Variants in FRMPD3 observed in about 807,000 individuals in gnomAD.
The protein encoded by FRMPD3 is FERM and PDZ domain-containing protein 3.
A neutral mutation model predicts 97.9 loss-of-function variants in FRMPD3; 42 were observed. That is an observed-to-expected ratio of 0.43 (90% CI 0.34 to 0.55). FRMPD3 has a LOEUF of 0.55. Among genes scored for constraint, FRMPD3 ranks in the 20% least tolerant of loss-of-function variants. FRMPD3 has a pLI of 0.03. For missense variants in FRMPD3, 1,303 were observed against 1,457.7 expected (o/e 0.89, Z 1.73); for synonymous variants, 577 against 581.1 (o/e 0.99, Z 0.10).
intron 1 of FRMPD3, among the ~76,000 whole-genome samples, chrX:107,479,213 A>G (rs1921276870): frequency 8.9e-6 from 1 of 112,319 alleles, no homozygotes; most frequent in Admixed American, 9.4e-5. Context: ...GGAATTAAGG[A>G]AGGCCATTGC....
At chrX:107,457,805 C>T (rs1931404023) in intron 1 of FRMPD3, among the ~76,000 whole-genome samples, 1 of 111,818 alleles carries the variant, frequency 8.9e-6, no homozygotes, top group Non-Finnish European at 1.9e-5. Context: ...CCCATCATAC[C>T]CTCCTTCATA....
chrX:107,560,374 A>T lies in FRMPD3; in HGVS notation c.880A>T (p.Ile294Phe). The T allele has an allele frequency of 8.3e-7, 1 of 1,209,443 alleles. No individual in the cohort carries two copies. Among genetic ancestry groups the T allele is most frequent in the Admixed American group, 2.2e-5 (1 of 45,800 alleles). Residue 294 changes from isoleucine to phenylalanine, a missense_variant, in exon 9 of 15, where the codon ATC (isoleucine) becomes TTC (phenylalanine). Ile to Phe is a conservative substitution (Grantham distance 21). Around this residue, in one of 3 missense-constraint regions of FRMPD3, gnomAD observed 535 missense variants for 618.6 expected, o/e 0.86. Transcript: ENST00000683843. ...TVSATRPSQKISLKNVEKEWG... is the reference protein window; with the variant it reads ...TVSATRPSQKFSLKNVEKEWG... Reference sequence around the variant, plus strand: ...CTCAGCCACTCGACCTAGTCAGAAGATCTCGCTCAAGAATGTGGAGTGAGT... The same window carrying T: ...CTCAGCCACTCGACCTAGTCAGAAGTTCTCGCTCAAGAATGTGGAGTGAGT...
At chrX:107,465,700 G>A (rs778381621) in intron 1 of FRMPD3, among the ~76,000 whole-genome samples, 12 of 111,428 alleles carry the variant, frequency 1.1e-4, no homozygotes, top group African/African-American at 3.6e-4. Flanking sequence ...TGGCCTGGTG[G>A]TTGATCCAGT....
intron 12 of FRMPD3, among the ~76,000 whole-genome samples, chrX:107,566,844 G>C (rs996458664): frequency 4.5e-5 from 5 of 112,192 alleles, no homozygotes; most frequent in Non-Finnish European, 9.4e-5. Flanking sequence ...GGCTGAACAG[G>C]GGATCAGTGG....
rs776277144 is a variant in FRMPD3, at chrX:107,602,480, G to A, written c.4441G>A (p.Glu1481Lys). The A allele has an allele frequency of 4.1e-6, 5 of 1,210,329 alleles. No homozygotes were observed. In the African/African-American group the frequency reaches 5.2e-5, roughly 13 times the overall value. ...LPEEVYRKPA[E>K]LDEDSESSKC... is the part of the protein sequence containing the mutation. ...CGAGGAGGTGTACCGGAAGCCTGCC[G>A]AGCTAGACGAGGACAGTGAGAGCAG... Residue 1481 changes from glutamate to lysine, a missense_variant, in exon 15 of 15, where the codon GAG (glutamate) becomes AAG (lysine). Glu to Lys is a moderately conservative substitution (Grantham distance 56, BLOSUM62 1). This residue lies in a region of FRMPD3 where 764 missense variants were observed against 820.2 expected (regional missense o/e 0.93). Transcript: ENST00000683843.
At chrX:107,463,975 C>T (rs1931518066) in intron 1 of FRMPD3, among the ~76,000 whole-genome samples, 1 of 112,004 alleles carries the variant, frequency 8.9e-6, no homozygotes, top group Non-Finnish European at 1.9e-5. Context: ...CACCTCTAAT[C>T]TAATCTTGCC....
At chrX:107,524,882 A>G (rs1922629801) in intron 1 of FRMPD3, among the ~76,000 whole-genome samples, 1 of 105,641 alleles carries the variant, frequency 9.5e-6, no homozygotes, top group Middle Eastern at 5.1e-3. Context: ...AATCCCAGCT[A>G]CTCTCCTGGA....
At chrX:107,564,253 A>G (rs1922504632) in intron 11 of FRMPD3, among the ~76,000 whole-genome samples, 1 of 112,209 alleles carries the variant, frequency 8.9e-6, no homozygotes, top group South Asian at 3.7e-4. Context: ...ACACTGTCAA[A>G]TCTTTCTTCC....
In FRMPD3 at chrX:107,480,868, A is replaced by AAAGGAAGG. The variant is rs201864947; in HGVS notation, c.-8+30886_-8+30893dup. The stretch of plus-strand genomic sequence containing the variant: ...GAAAGAAAGAAAGAAGGAAAGAAAG[A>AAAGGAAGG]AAGGAAGGAAGGAAGGAAGGAAGGA... On this transcript the variant is annotated intron_variant, in intron 1 of 14. Transcript: ENST00000683843. Among the ~76,000 whole-genome samples, 394 of 66,653 alleles carry AAAGGAAGG rather than the reference A, an allele frequency of 5.9e-3. 2 individuals are homozygous for AAAGGAAGG. The highest frequency in any genetic ancestry group is 7.4e-3 in the Non-Finnish European group (264 of 35,549). The allele number at this position is 66,653 out of a possible 115,157, so 57.9% of individuals were successfully genotyped here. A position where few individuals can be genotyped will look rare whatever the true frequency, so the allele number is the denominator to read the frequency against.
intron 1 of FRMPD3, among the ~76,000 whole-genome samples, chrX:107,503,565 A>G (rs778060823): frequency 3.6e-5 from 4 of 112,401 alleles, no homozygotes; most frequent in African/African-American, 1.3e-4. Flanking sequence ...AAATACCAGA[A>G]TATCCTCAGG....
At chrX:107,454,825 A>G (rs1931349500) in intron 1 of FRMPD3, among the ~76,000 whole-genome samples, 1 of 110,492 alleles carries the variant, frequency 9.1e-6, no homozygotes, top group African/African-American at 3.4e-5. Context: ...TTGATTCTCA[A>G]ATTTTAATGT....
At chrX:107,474,146 G>C (rs1569410041) in intron 1 of FRMPD3, among the ~76,000 whole-genome samples, 2 of 112,305 alleles carry the variant, frequency 1.8e-5, no homozygotes, top group African/African-American at 3.2e-5. Context: ...AGAGATGCAG[G>C]TATCCTTTCC....
intron 1 of FRMPD3, among the ~76,000 whole-genome samples, chrX:107,499,096 A>G (rs757733487): frequency 1.1e-3 from 109 of 103,806 alleles, no homozygotes; most frequent in African/African-American, 3.6e-3. Flanking sequence ...ATGTCCCACT[A>G]AAAAAAAAAA....
At chrX:107,554,251 C>A (rs1477517285) in intron 7 of FRMPD3, 134 bp from the exon 8 acceptor site, 8 of 645,345 alleles carry the variant, frequency 1.2e-5, no homozygotes, top group African/African-American at 2.2e-5. Context: ...TCAGCCAGGT[C>A]GGAGACAGAG....
chrX:107,453,146 T>C (rs1214387101), intron 1 of FRMPD3, among the ~76,000 whole-genome samples: 2 of 111,494 alleles, frequency 1.8e-5, no homozygotes, highest in Non-Finnish European at 3.8e-5. Flanking sequence ...ATCCCTGTTT[T>C]TGTGGCACCT....
At chrX:107,569,159 G>A (rs371089985) in intron 12 of FRMPD3, among the ~76,000 whole-genome samples, 1 of 110,480 alleles carries the variant, frequency 9.1e-6, no homozygotes, top group Non-Finnish European at 1.9e-5. Context: ...GCCACGCATC[G>A]TGGCGCACAC....
At chrX:107,569,610 A>ACAT (rs1489744121) in intron 12 of FRMPD3, among the ~76,000 whole-genome samples, 5 of 111,058 alleles carry the variant, frequency 4.5e-5, no homozygotes, top group Non-Finnish European at 9.4e-5. Context: ...CCAGCTGGGC[A>ACAT]CATCTCTCCC....
Position 107,597,609 on chromosome X carries a change from CTGATGACTT to C in FRMPD3, c.1736_1744del (p.Asp579_Asp581del), listed in dbSNP as rs1924249849. On this transcript the variant is annotated inframe_deletion, in exon 14 of 15. Coordinates refer to ENST00000683843, the MANE Select transcript of FRMPD3 (RefSeq NM_001388459.1). The stretch of plus-strand genomic sequence containing the variant: ...TCTGGCCAAGGTTATGAGGTAGTCC[CTGATGACTT>C]TGATGCAGCTAGCCTAGACCACGAG... The C allele has an allele frequency of 8.3e-7, 1 of 1,209,119 alleles. No homozygotes were observed. Among genetic ancestry groups the C allele is most frequent in the African/African-American group, 1.7e-5 (1 of 57,215 alleles).
At chrX:107,555,249 A>G (rs773758152) in intron 8 of FRMPD3, 3 of 112,166 alleles carry the variant, frequency 2.7e-5, no homozygotes, top group Non-Finnish European at 5.6e-5. Flanking sequence ...TGGCTAGAGT[A>G]CAGGATGTGA....
Sources: gnomAD v4.1 joint callset for allele counts (sites outside exome capture counted in the v4.1 genomes callset) on GRCh38, gnomAD v4.1.1 for gene constraint, gnomAD v4.1.1 regional missense constraint, MANE v1.5 for transcripts, NCBI Gene and HGNC (gene_info 2026-07-23, HGNC 2026-07-21) for gene names.